The following TF variants were observed in gnomAD, a reference collection of about 807,000 sequenced individuals.
The protein encoded by TF is serotransferrin.
TF carries 55 observed loss-of-function variants against 82.4 expected under a neutral mutation model. The ratio of observed to expected loss-of-function variants is 0.67; its 90% CI spans 0.54 to 0.84. The LOEUF (loss-of-function observed/expected upper bound fraction) is 0.84, where lower values mean the gene tolerates loss of function less well. Ranked by LOEUF, TF falls within the 40% of genes least tolerant of loss-of-function variation. The pLI is 0.00. For synonymous variants in TF, 332 were observed against 332.6 expected, an observed-to-expected ratio of 1.00 and a Z score of 0.02; for missense variants, 737 against 868.4, an observed-to-expected ratio of 0.85 and a Z score of 1.90.
chr3:133,685,448 A>G, the TF span, among the ~76,000 whole-genome samples: 3 of 152,206 alleles, frequency 2.0e-5, no homozygotes, highest in Non-Finnish European at 4.4e-5. Context: ...TATATTTAGA[A>G]AACCCCATCG....
the TF span, among the ~76,000 whole-genome samples, chr3:133,735,406 G>A: frequency 6.6e-6 from 1 of 151,676 alleles, no homozygotes; most frequent in Non-Finnish European, 1.5e-5. Flanking sequence ...CTCCTCCAAA[G>A]GATTGCAACT....
chr3:133,738,733 AT>A, the TF span, among the ~76,000 whole-genome samples: 1 of 152,208 alleles, frequency 6.6e-6, no homozygotes, highest in Admixed American at 6.5e-5. Context: ...AGAGAATAAA[AT>A]ACCTAGGAAT....
In TF at chr3:133,789,824, G is replaced by A. The variant is rs1043977529; in HGVS notation, c.*11204G>A. On this transcript the variant is annotated 3_prime_UTR_variant, in exon 17 of 17. Coordinates refer to ENST00000402696, the MANE Select transcript of TF (RefSeq NM_001063.4). The stretch of plus-strand genomic sequence containing the variant: ...TAGATATTTTGAGGTGTTAGGGTTT[G>A]GCATAGAAGGTTATAAAACTATAAA... 4.7e-5 allele frequency: 7 copies of A among 148,462 alleles called. No homozygotes were observed. The highest frequency in any genetic ancestry group is 6.8e-5 in the Admixed American group (1 of 14,788). The allele number at this position is 148,462 out of a possible 1,614,324, so 9.2% of individuals were successfully genotyped here. A position where few individuals can be genotyped will look rare whatever the true frequency, so the allele number is the denominator to read the frequency against.
At chr3:133,746,119 G>A (rs1933489919), upstream of TF, 2 of 471,298 alleles carry the variant, frequency 4.2e-6, no homozygotes, top group Non-Finnish European at 7.8e-6. Context: ...CTCCCAGCCC[G>A]CCGTAGCCGC....
chr3:133,707,237 G>A, the TF span, among the ~76,000 whole-genome samples: 1 of 143,930 alleles, frequency 6.9e-6, no homozygotes, highest in Non-Finnish European at 1.5e-5. Context: ...TGGAAAGATG[G>A]ATGACAATAA....
the TF span, among the ~76,000 whole-genome samples, chr3:133,703,075 T>G: frequency 6.6e-6 from 1 of 152,230 alleles, no homozygotes; most frequent in Non-Finnish European, 1.5e-5. Flanking sequence ...TAGCCTCCAT[T>G]TAACCAGTTT....
intron 3 of TF, chr3:133,753,909 A>C: frequency 1.6e-6 from 1 of 643,460 alleles, no homozygotes. Context: ...GGTGCTCCTA[A>C]AACTGAGCCC....
chr3:133,773,552 G>A (rs771445527), intron 14 of TF: 4 of 151,864 alleles, frequency 2.6e-5, no homozygotes, highest in Admixed American at 6.6e-5. Flanking sequence ...GAAAAAGAAT[G>A]TTAGAAATGT....
At chr3:133,718,984 A>G in the TF span, among the ~76,000 whole-genome samples, 1 of 152,178 alleles carries the variant, frequency 6.6e-6, no homozygotes, top group Non-Finnish European at 1.5e-5. Context: ...AGGGACCTGA[A>G]GATAGGAGAG....
At position 133,770,445 on chromosome 3, in the gene TF, T is replaced by A. The variant is rs189605512; in HGVS notation, c.1623-63T>A. ...GTCCTGAATCTATAAGGTAGCCCCCTGAATGACAGATAAGTCACTCTGACC... is the reference window on the plus strand; with the variant it reads ...GTCCTGAATCTATAAGGTAGCCCCCAGAATGACAGATAAGTCACTCTGACC... On this transcript the variant is annotated intron_variant, in intron 13 of 16. Coordinates refer to ENST00000402696, the MANE Select transcript of TF (RefSeq NM_001063.4). 85 of 1,501,564 alleles carry A rather than the reference T, an allele frequency of 5.7e-5. No individual in the cohort carries two copies. The African/African-American group carries it at 1.2e-3, about 20-fold the overall frequency. The allele number at this position is 1,501,564 out of a possible 1,614,324, so 93.0% of individuals were successfully genotyped here. A position where few individuals can be genotyped will look rare whatever the true frequency, so the allele number is the denominator to read the frequency against.
chr3:133,729,093 T>C, the TF span, among the ~76,000 whole-genome samples: 1 of 152,168 alleles, frequency 6.6e-6, no homozygotes, highest in African/African-American at 2.4e-5. Context: ...TTAGGCTGCT[T>C]GGGGGTCAGG....
chr3:133,766,524 T>C, intron 12 of TF, 91 bp downstream of exon 12: 2 of 1,556,406 alleles, frequency 1.3e-6, no homozygotes, highest in Admixed American at 1.7e-5. Context: ...TAAGGTGCTG[T>C]GGGCTCTGGT....
chr3:133,681,191 A>G, the TF span, among the ~76,000 whole-genome samples: 1 of 152,228 alleles, frequency 6.6e-6, no homozygotes, highest in Non-Finnish European at 1.5e-5. Context: ...GCTTTGAGTC[A>G]CCGAAGTTAA....
chr3:133,711,335 C>A, the TF span, among the ~76,000 whole-genome samples: 1 of 152,186 alleles, frequency 6.6e-6, no homozygotes, highest in Non-Finnish European at 1.5e-5. Flanking sequence ...AGATCCCCAA[C>A]ACAGATCTCT....
intron 15 of TF, among the ~76,000 whole-genome samples, chr3:133,776,494 C>T (rs932136825): frequency 2.0e-5 from 3 of 152,136 alleles, no homozygotes; most frequent in African/African-American, 7.2e-5. Flanking sequence ...CAATAATAAG[C>T]ATTTAACATA....
Position 133,783,626 on chromosome 3 carries a change from CAAAT to C in TF, c.*5010_*5013del, listed in dbSNP as rs370016920. 3.1e-4 allele frequency: 47 copies of C among 152,276 alleles called. No homozygotes were observed. Among genetic ancestry groups the C allele is most frequent in the African/African-American group, 1.0e-3 (43 of 41,570 alleles). The allele number at this position is 152,276 out of a possible 1,614,324, so 9.4% of individuals were successfully genotyped here. A position where few individuals can be genotyped will look rare whatever the true frequency, so the allele number is the denominator to read the frequency against. ...AGAAGTCCTGTAAGACAAAAATAGA[CAAAT>C]AAAATGTGAAGATTTTTAAGAAAGA... On this transcript the variant is annotated 3_prime_UTR_variant, in exon 17 of 17. Transcript: ENST00000402696.
At chr3:133,764,459 G>A (rs1189434221) in intron 10 of TF, among the ~76,000 whole-genome samples, 184 bp downstream of exon 10, 2 of 152,212 alleles carry the variant, frequency 1.3e-5, no homozygotes, top group African/African-American at 2.4e-5. Flanking sequence ...AAGGTTGGGA[G>A]TTATAGTACA....
At chr3:133,682,888 T>C in the TF span, among the ~76,000 whole-genome samples, 2 of 152,008 alleles carry the variant, frequency 1.3e-5, no homozygotes, top group African/African-American at 4.8e-5. Context: ...GAAAAGCATC[T>C]CCAAGACACA....
chr3:133,693,875 T>C, the TF span, among the ~76,000 whole-genome samples: 2 of 152,254 alleles, frequency 1.3e-5, no homozygotes, highest in Non-Finnish European at 2.9e-5. Flanking sequence ...TTAGCAGAGC[T>C]GCGTGCCACT....
Sources: allele counts gnomAD v4.1 joint callset (sites outside exome capture counted in the v4.1 genomes callset), GRCh38; gene constraint gnomAD v4.1.1; transcripts MANE v1.5; gene names NCBI Gene and HGNC (gene_info 2026-07-23, HGNC 2026-07-21).